MYO7B: variants seen among roughly 807,000 people sequenced by gnomAD.
MYO7B encodes the protein unconventional myosin-VIIb.
A neutral mutation model predicts 259.7 loss-of-function variants in MYO7B; 212 were observed. The ratio of observed to expected loss-of-function variants is 0.82; its 90% CI spans 0.73 to 0.91. The LOEUF is 0.91. Ranked by LOEUF, MYO7B falls within the 40% of genes least tolerant of loss-of-function variation. MYO7B has a pLI of 0.00. For synonymous variants in MYO7B, 1,197 were observed against 1,166.4 expected (o/e 1.03, Z -0.54); for missense variants, 2,732 against 2,813.5 (o/e 0.97, Z 0.66).
At chr2:127,561,934 G>A (rs2104853751) in intron 2 of MYO7B, among the ~76,000 whole-genome samples, 1 of 152,284 alleles carries the variant, frequency 6.6e-6, no homozygotes, top group East Asian at 1.9e-4. Context: ...CTGGCTGGTA[G>A]ATGGCTGTCT....
rs3217355 is a variant in MYO7B, at chr2:127,637,302, C to CTGTCCCCT, written c.6328-14_6328-13insTGTCCCCT. On this transcript the variant is annotated splice_polypyrimidine_tract_variant and intron_variant, in intron 47 of 47. Transcript: ENST00000409816. ...CTGCACCCACAGCCTCTGACCCCCCCGTCCCCTGTCCAGGGCTATAAGATG... is the reference window on the plus strand; with the variant it reads ...CTGCACCCACAGCCTCTGACCCCCCCTGTCCCCTGTCCCCTGTCCAGGGCTATAAGATG... 13 of 1,562,928 alleles carry CTGTCCCCT rather than the reference C, an allele frequency of 8.3e-6. No individual in the cohort carries two copies. In the South Asian group the frequency reaches 1.2e-4, roughly 14 times the overall value.
intron 31 of MYO7B, 98 bp downstream of exon 31, chr2:127,625,633 C>T: frequency 6.3e-6 from 8 of 1,274,328 alleles, no homozygotes; most frequent in Non-Finnish European, 8.2e-6. Context: ...CTCCCCACAA[C>T]CCCCACCCCC....
At chr2:127,618,223 T>C (rs1416004861) in intron 26 of MYO7B, among the ~76,000 whole-genome samples, 3 of 152,156 alleles carry the variant, frequency 2.0e-5, no homozygotes, top group Admixed American at 2.0e-4. Flanking sequence ...GTTACTACTG[T>C]CACTACTTGA....
chr2:127,589,722 G>C (rs1427738501), intron 15 of MYO7B, among the ~76,000 whole-genome samples: 1 of 136,202 alleles, frequency 7.3e-6, no homozygotes, highest in Non-Finnish European at 1.6e-5. Flanking sequence ...GGATGGGCGG[G>C]TGGCTATGTG....
At chr2:127,634,128 C>T in intron 40 of MYO7B, 48 bp from the exon 41 acceptor site, 1 of 1,449,018 alleles carries the variant, frequency 6.9e-7, no homozygotes, top group Non-Finnish European at 9.5e-7. Flanking sequence ...CTGGGCTGTA[C>T]TGGCCCCTAG....
intron 30 of MYO7B, among the ~76,000 whole-genome samples, chr2:127,624,883 A>G (rs1251226892): frequency 2.0e-5 from 3 of 152,200 alleles, no homozygotes; most frequent in African/African-American, 7.2e-5. Flanking sequence ...TCCGGGACCC[A>G]TTGGAGGCGG....
intron 15 of MYO7B, 47 bp downstream of exon 15, chr2:127,588,602 A>C (rs1363853456): frequency 3.1e-6 from 5 of 1,606,134 alleles, no homozygotes; most frequent in Non-Finnish European, 1.7e-6. Context: ...TGATGGCTAC[A>C]GGGCCAGACA....
intron 2 of MYO7B, among the ~76,000 whole-genome samples, chr2:127,562,492 T>G (rs1286308223): frequency 2.8e-5 from 4 of 140,762 alleles, no homozygotes; most frequent in African/African-American, 5.3e-5. Flanking sequence ...GTTTTTTTTT[T>G]TTTTTTTTTT....
intron 4 of MYO7B, 39 bp from the exon 5 acceptor site, chr2:127,566,604 C>A: frequency 1.3e-6 from 2 of 1,512,466 alleles, no homozygotes; most frequent in Non-Finnish European, 1.8e-6. Context: ...AGTACCTCTG[C>A]CAGGGGCAGA....
intron 26 of MYO7B, among the ~76,000 whole-genome samples, chr2:127,618,583 T>C (rs551657566): frequency 2.0e-5 from 3 of 152,256 alleles, no homozygotes; most frequent in Non-Finnish European, 4.4e-5. Flanking sequence ...GCCAACATTC[T>C]GCTTTTATGA....
rs900915434 is a variant in MYO7B, at chr2:127,616,124, C to T, written c.3398+3521C>T. Among the ~76,000 whole-genome samples the T allele has an allele frequency of 2.6e-5, 4 of 152,172 alleles. 1 individual carries two copies. The highest frequency in any genetic ancestry group is 2.6e-4 in the Admixed American group (4 of 15,274). ...AGCTTCTGCCTCTTTGGTTAATTAC[C>T]GCGGGGTAAAACTCCACTGATAGCA... On this transcript the variant is annotated intron_variant, in intron 26 of 47. Coordinates refer to ENST00000409816, the MANE Select transcript of MYO7B (RefSeq NM_001393586.1).
rs528291358 is a variant in MYO7B, at chr2:127,630,066, TGTCC to T, written c.4806+242_4806+245del. Among the ~76,000 whole-genome samples, 338 of 152,256 alleles carry T rather than the reference TGTCC, an allele frequency of 2.2e-3. 2 individuals are homozygous for T. Among genetic ancestry groups the T allele is most frequent in the African/African-American group, 7.5e-3 (310 of 41,544 alleles). ...TTCCCTCCCTCTTCCATCATGGGGG[TGTCC>T]GGGGGACAAACCCAATCTTTCTCTG... is the stretch of plus-strand genomic sequence containing the variant. On this transcript the variant is annotated intron_variant, in intron 35 of 47. Coordinates refer to ENST00000409816, the MANE Select transcript of MYO7B (RefSeq NM_001393586.1).
Position 127,559,336 on chromosome 2 carries a change from T to C in MYO7B, c.-23-364T>C, listed in dbSNP as rs942112069. Among the ~76,000 whole-genome samples the C allele has an allele frequency of 5.3e-5, 8 of 152,180 alleles. No homozygotes were observed. The highest frequency in any genetic ancestry group is 1.9e-4 in the African/African-American group (8 of 41,438). On this transcript the variant is annotated intron_variant, in intron 1 of 47. Transcript: ENST00000409816. The surrounding 1 kb of genome is among the most constrained non-coding windows in gnomAD (Gnocchi z 4.1). Reference sequence around the variant, plus strand: ...TGAGGCTTAAAGTTGTGTCTATAGCTCCAGTGGCTGCTTACCTGAGCACTT... The same window carrying C: ...TGAGGCTTAAAGTTGTGTCTATAGCCCCAGTGGCTGCTTACCTGAGCACTT...
Position 127,636,618 on chromosome 2 carries a change from C to A in MYO7B, c.6197C>A (p.Pro2066His), listed in dbSNP as rs1307370293. ...CGACATGGGGTTCTGCTCATCCACCCCAAGACCAAGGTAGCTGCTGGGCCT... is the reference window on the plus strand; with the variant it reads ...CGACATGGGGTTCTGCTCATCCACCACAAGACCAAGGTAGCTGCTGGGCCT... ...INRHGVLLIH[P>H]KTKDLLTTYP... Residue 2066 changes from proline to histidine, a missense_variant, in exon 46 of 48, where the codon CCC becomes CAC. Around this residue, in one of 3 missense-constraint regions of MYO7B, gnomAD observed 821 missense variants for 769.3 expected, o/e 1.07. Coordinates refer to ENST00000409816, the MANE Select transcript of MYO7B (RefSeq NM_001393586.1). The surrounding 1 kb of genome is among the most constrained non-coding windows in gnomAD (Gnocchi z 4.5). 6.2e-7 allele frequency: 1 copy of A among 1,612,418 alleles called. No individual in the cohort carries two copies. Among genetic ancestry groups the A allele is most frequent in the Non-Finnish European group, 8.5e-7 (1 of 1,179,244 alleles).
intron 17 of MYO7B, 40 bp downstream of exon 17, chr2:127,592,986 G>A (rs1333935399): frequency 2.0e-6 from 3 of 1,474,720 alleles, no homozygotes; most frequent in Admixed American, 2.3e-5. Context: ...GGCCATCCGC[G>A]GCCTTCCCCT....
chr2:127,537,035 T>A (rs1033562720), intron 1 of MYO7B, among the ~76,000 whole-genome samples: 1 of 152,150 alleles, frequency 6.6e-6, no homozygotes, highest in African/African-American at 2.4e-5. Context: ...TTATAAAAAA[T>A]TTATCTTAAA....
chr2:127,562,437 C>T (rs1304810597), intron 2 of MYO7B, among the ~76,000 whole-genome samples: 2 of 151,018 alleles, frequency 1.3e-5, no homozygotes, highest in African/African-American at 4.9e-5. Context: ...GCTGGGATTA[C>T]AGGCGCCCAC....
intron 10 of MYO7B, among the ~76,000 whole-genome samples, 190 bp downstream of exon 10, chr2:127,581,012 C>T (rs1443747834): frequency 1.3e-5 from 2 of 152,230 alleles, no homozygotes; most frequent in African/African-American, 4.8e-5. Flanking sequence ...CAGTGCCAAA[C>T]AGAGCGGCGG....
At chr2:127,560,617 G>A (rs1342266296) in intron 2 of MYO7B, among the ~76,000 whole-genome samples, 1 of 152,158 alleles carries the variant, frequency 6.6e-6, no homozygotes, top group African/African-American at 2.4e-5. Flanking sequence ...TGGCGGCGGG[G>A]AGTGCAGGGT....
Sources: gnomAD v4.1 joint callset for allele counts (sites outside exome capture counted in the v4.1 genomes callset) on GRCh38, gnomAD v4.1.1 for gene constraint, gnomAD v4.1.1 regional missense constraint, Gnocchi (gnomAD v3.1) non-coding constraint, MANE v1.5 for transcripts, NCBI Gene and HGNC (gene_info 2026-07-23, HGNC 2026-07-21) for gene names.